Variants in GNA14 observed in about 807,000 individuals in gnomAD.
The protein encoded by GNA14 is guanine nucleotide-binding protein subunit alpha-14.
Under a neutral mutation model 42.0 loss-of-function variants are expected in GNA14, and 50 were observed. The observed-to-expected ratio is 1.19, with a 90% confidence interval of 0.95 to 1.51. The LOEUF (loss-of-function observed/expected upper bound fraction) is 1.51. Among genes scored for constraint, GNA14 ranks in the 40% most tolerant of loss-of-function variants. The pLI is 0.00. For synonymous variants in GNA14, 173 were observed against 163.1 expected (o/e 1.06, Z -0.46); for missense variants, 473 against 446.2 (o/e 1.06, Z -0.54).
chr9:77,622,459 A>G (rs1262346947), intron 1 of GNA14, among the ~76,000 whole-genome samples: 2 of 152,180 alleles, frequency 1.3e-5, no homozygotes, highest in Non-Finnish European at 1.5e-5. Flanking sequence ...TTGAATCACT[A>G]AATTAGATGA....
intron 2 of GNA14, among the ~76,000 whole-genome samples, chr9:77,471,648 G>A (rs748286254): frequency 6.6e-6 from 1 of 152,098 alleles, no homozygotes; most frequent in Admixed American, 6.6e-5. Context: ...TACGTTTTAC[G>A]GGAGATATTC....
At chr9:77,484,337 A>G (rs114906739) in intron 2 of GNA14, among the ~76,000 whole-genome samples, 3,997 of 152,332 alleles carry the variant, frequency 0.026, 127 homozygotes, top group African/African-American at 0.077. Flanking sequence ...TGGGCACATA[A>G]AACAACCTTC....
intron 2 of GNA14, among the ~76,000 whole-genome samples, chr9:77,511,522 T>C (rs1363818418): frequency 3.9e-5 from 6 of 152,160 alleles, no homozygotes; most frequent in Admixed American, 3.3e-4. Flanking sequence ...TCCCCCTTTT[T>C]CCTCTTGTGT....
At chr9:77,471,637 AT>A (rs1836331289) in intron 2 of GNA14, among the ~76,000 whole-genome samples, 1 of 152,170 alleles carries the variant, frequency 6.6e-6, no homozygotes, top group Admixed American at 6.6e-5. Flanking sequence ...GGTGCCTGTG[AT>A]ACGTTTTACG....
Position 77,523,858 on chromosome 9 carries a change from T to C in GNA14, c.309+5211A>G, listed in dbSNP as rs573717137. Among the ~76,000 whole-genome samples the C allele has an allele frequency of 3.9e-5, 6 of 152,278 alleles. No individual in the cohort carries two copies. The East Asian group carries it at 1.2e-3, about 29-fold the overall frequency. ...CTTGGGAAATTCTGTATCTACATCA[T>C]GCAAGCAGATTCTGCAGAACCTTTA... On this transcript the variant is annotated intron_variant, in intron 2 of 6. Coordinates refer to ENST00000341700, the MANE Select transcript of GNA14 (RefSeq NM_004297.4).
intron 1 of GNA14, among the ~76,000 whole-genome samples, chr9:77,557,824 G>A (rs1375060401): frequency 6.6e-5 from 10 of 152,250 alleles, no homozygotes; most frequent in Admixed American, 5.2e-4. Context: ...GGGATCATTC[G>A]CATAATGTTT....
chr9:77,608,082 C>T (rs1217307330), intron 1 of GNA14, among the ~76,000 whole-genome samples: 6 of 152,152 alleles, frequency 3.9e-5, no homozygotes, highest in East Asian at 3.9e-4. Flanking sequence ...GGGGGCAAGA[C>T]GGCCCCAGAG....
intron 1 of GNA14, among the ~76,000 whole-genome samples, chr9:77,640,873 A>C (rs1478772429): frequency 5.2e-5 from 7 of 135,302 alleles, no homozygotes; most frequent in African/African-American, 1.8e-4. Context: ...AAAATGCTCA[A>C]AAAAAAAAAA....
At chr9:77,589,649 T>A (rs1330946319) in intron 1 of GNA14, among the ~76,000 whole-genome samples, 2 of 152,116 alleles carry the variant, frequency 1.3e-5, no homozygotes, top group Admixed American at 6.5e-5. Context: ...CCTCGGGCTA[T>A]GGCCTGTAGT....
chr9:77,610,545 A>G (rs1370390562), intron 1 of GNA14, among the ~76,000 whole-genome samples: 1 of 152,112 alleles, frequency 6.6e-6, no homozygotes, highest in Non-Finnish European at 1.5e-5. Flanking sequence ...TACCTCCTAA[A>G]GGCCCCACTT....
intron 1 of GNA14, among the ~76,000 whole-genome samples, chr9:77,538,308 A>G (rs1345014294): frequency 6.6e-6 from 1 of 152,136 alleles, no homozygotes; most frequent in Non-Finnish European, 1.5e-5. Context: ...TCCTGACCTC[A>G]AGTGATCCTC....
At chr9:77,618,270 G>A (rs1421113074) in intron 1 of GNA14, among the ~76,000 whole-genome samples, 3 of 152,008 alleles carry the variant, frequency 2.0e-5, no homozygotes, top group African/African-American at 7.3e-5. Flanking sequence ...TGTTGAATTA[G>A]TATCTTAAAA....
At chr9:77,467,152 G>T (rs950132363) in intron 2 of GNA14, among the ~76,000 whole-genome samples, 1 of 151,918 alleles carries the variant, frequency 6.6e-6, no homozygotes, top group African/African-American at 2.4e-5. Context: ...CACTCCTGAG[G>T]GGGTGCAGAG....
At chr9:77,589,814 C>CA (rs1381384503) in intron 1 of GNA14, among the ~76,000 whole-genome samples, 1 of 152,200 alleles carries the variant, frequency 6.6e-6, no homozygotes, top group African/African-American at 2.4e-5. Flanking sequence ...CTTCCTAAAA[C>CA]AACACACTAT....
chr9:77,569,421 G>A (rs1040713650), intron 1 of GNA14, among the ~76,000 whole-genome samples: 2 of 152,114 alleles, frequency 1.3e-5, no homozygotes, highest in Non-Finnish European at 2.9e-5. Context: ...AGTGCTGGAG[G>A]GGCCAGAACT....
chr9:77,637,813 A>C (rs1824206462), intron 1 of GNA14, among the ~76,000 whole-genome samples: 1 of 152,198 alleles, frequency 6.6e-6, no homozygotes, highest in Non-Finnish European at 1.5e-5. Context: ...ATGAAAAGAA[A>C]AATTGTTTTT....
At chr9:77,488,360 C>T (rs1836696586) in intron 2 of GNA14, among the ~76,000 whole-genome samples, 1 of 152,130 alleles carries the variant, frequency 6.6e-6, no homozygotes, top group African/African-American at 2.4e-5. Context: ...CTTGGGTTCC[C>T]TGGCAGGAGA....
intron 4 of GNA14, 111 bp downstream of exon 4, chr9:77,431,210 C>G (rs1835546415): frequency 1.0e-6 from 1 of 974,224 alleles, no homozygotes; most frequent in Admixed American, 2.2e-5. Flanking sequence ...GAGAGGGTCA[C>G]TCTGTCCTAA....
chr9:77,464,349 ATATGTGTGTG>A (rs1055191969), intron 2 of GNA14, among the ~76,000 whole-genome samples: 2 of 101,958 alleles, frequency 2.0e-5, no homozygotes, highest in African/African-American at 4.4e-5. Context: ...GTGTGTGTGT[ATATGTGTGTG>A]TGTGTGTGTG....
Sources: gnomAD v4.1 joint callset for allele counts (sites outside exome capture counted in the v4.1 genomes callset) on GRCh38, gnomAD v4.1.1 for gene constraint, MANE v1.5 for transcripts, NCBI Gene and HGNC (gene_info 2026-07-23, HGNC 2026-07-21) for gene names.